SORCS3: variants seen among roughly 807,000 people sequenced by gnomAD.
SORCS3 encodes VPS10 domain-containing receptor SorCS3.
A neutral mutation model predicts 146.3 loss-of-function variants in SORCS3; 57 were observed. The observed-to-expected ratio is 0.39, with a 90% CI of 0.31 to 0.49. The LOEUF (loss-of-function observed/expected upper bound fraction) is 0.49. Among genes scored for constraint, SORCS3 ranks in the 20% least tolerant of loss-of-function variants. SORCS3 has a pLI of 0.92. For missense variants in SORCS3, 1,341 were observed against 1,575.5 expected (o/e 0.85, Z 2.52); for synonymous variants, 653 against 618.5 (o/e 1.06, Z -0.83).
chr10:104,956,853 G>A (rs948706699), intron 3 of SORCS3, among the ~76,000 whole-genome samples: 3 of 152,086 alleles, frequency 2.0e-5, no homozygotes, highest in South Asian at 2.1e-4. Flanking sequence ...TAAGACCACC[G>A]ACTTATTCTG....
At chr10:104,665,568 C>G (rs1437682393) in intron 1 of SORCS3, 1 of 152,184 alleles carries the variant, frequency 6.6e-6, no homozygotes, top group African/African-American at 2.4e-5. Flanking sequence ...TCTTTACTTC[C>G]AAGCATTGCC....
chr10:104,796,337 C>A (rs1272201774), intron 1 of SORCS3, among the ~76,000 whole-genome samples: 1 of 152,090 alleles, frequency 6.6e-6, no homozygotes, highest in African/African-American at 2.4e-5. Context: ...TGAGCAAATT[C>A]ATCTTTTTTC....
Position 104,914,139 on chromosome 10 carries a change from A to G in SORCS3, c.696-1694A>G, listed in dbSNP as rs529383513. Among the ~76,000 whole-genome samples, 39 of 152,276 alleles carry G rather than the reference A, an allele frequency of 2.6e-4. No homozygotes were observed. In the South Asian group the frequency reaches 7.3e-3, roughly 28 times the overall value. ...AACTTGCACATGGTCATGCAACCAG[A>G]GAGCTATGGATGTAGAATGAAACAG... On this transcript the variant is annotated intron_variant, in intron 2 of 26. Coordinates refer to ENST00000369701, the MANE Select transcript of SORCS3 (RefSeq NM_014978.3).
chr10:104,809,297 C>T (rs2017715017), intron 1 of SORCS3, among the ~76,000 whole-genome samples: 1 of 152,160 alleles, frequency 6.6e-6, no homozygotes, highest in Non-Finnish European at 1.5e-5. Context: ...ATTCCTCATA[C>T]ATTTGTAGTC....
Position 105,167,268 on chromosome 10 carries a change from A to T in SORCS3, c.1820A>T (p.Glu607Val). The stretch of plus-strand genomic sequence containing the variant: ...TTGTTGTTGTTCCAGATCTTTGATG[A>T]AGAGTACAATGTCTGGTTCCTAGAC... The part of the protein sequence containing the change: ...GGNTWRQIFD[E>V]EYNVWFLDWG... Residue 607 changes from glutamate (E) to valine (V), a missense_variant, in exon 13 of 27, where the codon GAA (glutamate) becomes GTA (valine). Transcript: ENST00000369701. 1 of 1,612,484 alleles carries T rather than the reference A, an allele frequency of 6.2e-7. No homozygotes were observed. Among genetic ancestry groups the T allele is most frequent in the Non-Finnish European group, 8.5e-7 (1 of 1,178,754 alleles).
chr10:104,813,936 T>C (rs998194856), intron 1 of SORCS3, among the ~76,000 whole-genome samples: 5 of 151,164 alleles, frequency 3.3e-5, no homozygotes, highest in Admixed American at 2.0e-4. Flanking sequence ...TTTCTTTTTT[T>C]TTTTTTTTTT....
chr10:105,002,304 G>A (rs1309792402), intron 4 of SORCS3, among the ~76,000 whole-genome samples: 1 of 152,130 alleles, frequency 6.6e-6, no homozygotes, highest in Non-Finnish European at 1.5e-5. Context: ...GAGGTGACAG[G>A]TTCATGCATT....
chr10:104,965,706 C>T (rs77722626), intron 3 of SORCS3, among the ~76,000 whole-genome samples: 2,358 of 152,210 alleles, frequency 0.015, 54 homozygotes, highest in African/African-American at 0.054. Flanking sequence ...TATTTGCTCA[C>T]TGGTCATTTG....
At chr10:104,859,821 C>G (rs1326725348) in intron 2 of SORCS3, among the ~76,000 whole-genome samples, 2 of 151,172 alleles carry the variant, frequency 1.3e-5, no homozygotes, top group Admixed American at 1.3e-4. Context: ...TGAAAAAATG[C>G]TCATCATCAC....
At chr10:104,833,353 T>A (rs74155049) in intron 1 of SORCS3, among the ~76,000 whole-genome samples, 2,031 of 152,290 alleles carry the variant, frequency 0.013, 47 homozygotes, top group African/African-American at 0.046. Flanking sequence ...GTTGGTAGAT[T>A]GGGAACTCAG....
intron 3 of SORCS3, among the ~76,000 whole-genome samples, chr10:104,976,780 AT>A (rs1282805362): frequency 6.6e-6 from 1 of 152,198 alleles, no homozygotes; most frequent in African/African-American, 2.4e-5. Flanking sequence ...GAAATTGGAA[AT>A]CATCATTCTC....
chr10:104,646,877 G>GTTACCAA (rs2015501746), intron 1 of SORCS3, among the ~76,000 whole-genome samples: 1 of 152,032 alleles, frequency 6.6e-6, no homozygotes, highest in Non-Finnish European at 1.5e-5. Context: ...TTATTCTCCT[G>GTTACCAA]GTGTTGTGGG....
At chr10:104,826,799 T>C (rs1296860202) in intron 1 of SORCS3, among the ~76,000 whole-genome samples, 3 of 152,226 alleles carry the variant, frequency 2.0e-5, no homozygotes, top group Admixed American at 6.5e-5. Flanking sequence ...TGCTGTCTGA[T>C]AGCATTTTAC....
chr10:104,673,798 G>A (rs1420912691), intron 1 of SORCS3, among the ~76,000 whole-genome samples: 1 of 151,744 alleles, frequency 6.6e-6, no homozygotes, highest in African/African-American at 2.4e-5. Flanking sequence ...GTTACCATAG[G>A]GATTATATTT....
At chr10:104,726,573 A>T (rs539518341) in intron 1 of SORCS3, among the ~76,000 whole-genome samples, 1 of 151,982 alleles carries the variant, frequency 6.6e-6, no homozygotes, top group South Asian at 2.1e-4. Context: ...ATCCCACCAT[A>T]TGACGACCCC....
intron 4 of SORCS3, among the ~76,000 whole-genome samples, chr10:104,988,993 C>G (rs2054978760): frequency 6.6e-6 from 1 of 152,136 alleles, no homozygotes; most frequent in Non-Finnish European, 1.5e-5. Flanking sequence ...AAAGAAGCAC[C>G]CTTCTCACTA....
chr10:104,930,088 C>T (rs981824235), intron 3 of SORCS3, among the ~76,000 whole-genome samples: 11 of 151,460 alleles, frequency 7.3e-5, no homozygotes, highest in Admixed American at 1.3e-4. Context: ...ATGAAGAAAA[C>T]GATAAACGAT....
In SORCS3 at chr10:104,878,232, C is replaced by T. The variant is rs115513107; in HGVS notation, c.695+35373C>T. On this transcript the variant is annotated intron_variant, in intron 2 of 26. Transcript: ENST00000369701. ...TCTTGGGATACAGATGTGGACAAGACATTCATGGACCCTACTCTTGACAAG... is the reference window on the plus strand; with the variant it reads ...TCTTGGGATACAGATGTGGACAAGATATTCATGGACCCTACTCTTGACAAG... Among the ~76,000 whole-genome samples the T allele has an allele frequency of 5.1e-3, 773 of 152,228 alleles. 9 individuals carry two copies. The highest frequency in any genetic ancestry group is 0.018 in the African/African-American group (757 of 41,526).
chr10:104,974,526 T>C (rs1250271088), intron 3 of SORCS3, among the ~76,000 whole-genome samples: 1 of 152,176 alleles, frequency 6.6e-6, no homozygotes, highest in Non-Finnish European at 1.5e-5. Flanking sequence ...ACCCCTGCCT[T>C]TTTTTGTTTT....
Sources: allele counts gnomAD v4.1 joint callset (sites outside exome capture counted in the v4.1 genomes callset), GRCh38; gene constraint gnomAD v4.1.1; transcripts MANE v1.5; gene names NCBI Gene and HGNC (gene_info 2026-07-23, HGNC 2026-07-21).